Variants in FAM149B1 observed in about 807,000 individuals in gnomAD.
The protein encoded by FAM149B1 is primary cilium assembly protein FAM149B1.
A neutral mutation model predicts 75.3 loss-of-function variants in FAM149B1; 56 were observed. The observed-to-expected ratio is 0.74, with a 90% CI of 0.60 to 0.93. The LOEUF (loss-of-function observed/expected upper bound fraction) is 0.93, where lower values mean the gene tolerates loss of function less well. Among genes scored for constraint, FAM149B1 ranks in the 40% least tolerant of loss-of-function variants. FAM149B1 has a pLI of 0.00. For missense variants in FAM149B1, 639 were observed against 708.4 expected, an observed-to-expected ratio of 0.90 and a Z score of 1.11; for synonymous variants, 259 against 256.1, an observed-to-expected ratio of 1.01 and a Z score of -0.11.
intron 7 of FAM149B1, among the ~76,000 whole-genome samples, chr10:73,210,778 G>A (rs1292380941): frequency 1.3e-5 from 2 of 151,926 alleles, no homozygotes; most frequent in South Asian, 2.1e-4. Flanking sequence ...AGCTATGACT[G>A]CACCACTGCA....
chr10:73,200,517 A>T, intron 5 of FAM149B1: 1 of 671,832 alleles, frequency 1.5e-6, no homozygotes, highest in South Asian at 1.5e-5. Flanking sequence ...TAAACAGAAG[A>T]TACCTTTTTT....
At chr10:73,207,301 T>C (rs140867443) in intron 5 of FAM149B1, among the ~76,000 whole-genome samples, 1,941 of 151,950 alleles carry the variant, frequency 0.013, 14 homozygotes, top group Middle Eastern at 0.024. Flanking sequence ...CAGTGGCTCA[T>C]GCCTGTAATC....
At chr10:73,231,257 T>G (rs1031896070) in intron 9 of FAM149B1, 1 of 151,880 alleles carries the variant, frequency 6.6e-6, no homozygotes, top group African/African-American at 2.4e-5. Context: ...CATTTCCAGG[T>G]TAGAGGTATT....
At chr10:73,206,864 G>C (rs755079442) in intron 5 of FAM149B1, among the ~76,000 whole-genome samples, 1 of 152,106 alleles carries the variant, frequency 6.6e-6, no homozygotes, top group Non-Finnish European at 1.5e-5. Context: ...GCGGTGAGCT[G>C]AGATCACGCC....
chr10:73,215,376 C>CT (rs1273394980), intron 7 of FAM149B1, among the ~76,000 whole-genome samples: 5 of 151,588 alleles, frequency 3.3e-5, no homozygotes, highest in Non-Finnish European at 7.4e-5. Context: ...GATCTTTTTA[C>CT]TTTTTTTTAA....
intron 2 of FAM149B1, among the ~76,000 whole-genome samples, chr10:73,177,322 C>T (rs1261897083): frequency 1.3e-5 from 2 of 151,976 alleles, no homozygotes; most frequent in African/African-American, 2.4e-5. Flanking sequence ...GCCTGTAAAT[C>T]CTAGCACTTT....
chr10:73,204,454 A>G (rs569499625), intron 5 of FAM149B1, among the ~76,000 whole-genome samples: 1 of 152,294 alleles, frequency 6.6e-6, no homozygotes, highest in Admixed American at 6.5e-5. Flanking sequence ...TCCTAATAAA[A>G]AAAAATACTT....
chr10:73,243,242 G>A lies in FAM149B1; in HGVS notation c.*2223G>A. On this transcript the variant is annotated 3_prime_UTR_variant, in exon 14 of 14. Coordinates refer to ENST00000242505, the MANE Select transcript of FAM149B1 (RefSeq NM_173348.2). ...GCTTTCTAGGAAATACTAAGATCAG[G>A]TTGAGAGATTCTGCTTGGTCTAGTC... 1.4e-6 allele frequency: 1 copy of A among 732,018 alleles called. No homozygotes were observed. Among genetic ancestry groups the A allele is most frequent in the South Asian group, 1.8e-5 (1 of 56,808 alleles). 45.3% of individuals were successfully genotyped at this position (732,018 alleles called of 1,614,324 possible).
chr10:73,237,234 G>A (rs1044822044), intron 12 of FAM149B1, among the ~76,000 whole-genome samples: 3 of 152,124 alleles, frequency 2.0e-5, no homozygotes, highest in Admixed American at 6.5e-5. Context: ...TAGACCCCAC[G>A]AGGCTGACTT....
chr10:73,177,748 A>ACACAT, intron 2 of FAM149B1, 98 bp from the exon 3 acceptor site: 2 of 1,045,132 alleles, frequency 1.9e-6, no homozygotes, highest in African/African-American at 1.7e-5. Context: ...TACACATGTT[A>ACACAT]ATCACCTAGT....
At chr10:73,236,723 TTC>T (rs2043831047) in intron 12 of FAM149B1, among the ~76,000 whole-genome samples, 1 of 148,406 alleles carries the variant, frequency 6.7e-6, no homozygotes, top group African/African-American at 2.5e-5. Context: ...TTTTTTTCTT[TTC>T]TTTTTTTTTT....
intron 5 of FAM149B1, among the ~76,000 whole-genome samples, chr10:73,202,247 G>A (rs1199280375): frequency 6.6e-6 from 1 of 151,980 alleles, no homozygotes; most frequent in Non-Finnish European, 1.5e-5. Flanking sequence ...CAGCTTTAGG[G>A]GAAATGGGAA....
At chr10:73,196,929 CTT>C (rs2042816415) in intron 5 of FAM149B1, among the ~76,000 whole-genome samples, 2 of 152,348 alleles carry the variant, frequency 1.3e-5, no homozygotes, top group African/African-American at 4.8e-5. Context: ...GCATCTTCCT[CTT>C]TGTATCTGTA....
At position 73,194,322 on chromosome 10, in the gene FAM149B1, A is replaced by T. The variant is rs571514489; in HGVS notation, c.542+729A>T. 2.0e-5 allele frequency among the ~76,000 whole-genome samples: 3 copies of T among 152,282 alleles called. No homozygotes were observed. In the South Asian group the frequency reaches 6.2e-4, roughly 32 times the overall value. On this transcript the variant is annotated intron_variant, in intron 5 of 13. Coordinates refer to ENST00000242505, the MANE Select transcript of FAM149B1 (RefSeq NM_173348.2). ...AAATGTGTAAATAGAATGGTTTTTT[A>T]AAATGTCGAAGTCTAAGAAAAAGAC...
intron 2 of FAM149B1, among the ~76,000 whole-genome samples, chr10:73,175,747 A>T (rs1292210069): frequency 6.6e-6 from 1 of 152,082 alleles, no homozygotes; most frequent in Non-Finnish European, 1.5e-5. Context: ...AAAACAAACA[A>T]TAAAATAACA....
intron 7 of FAM149B1, among the ~76,000 whole-genome samples, chr10:73,214,702 C>T (rs954945957): frequency 2.0e-5 from 3 of 152,114 alleles, no homozygotes; most frequent in African/African-American, 4.8e-5. Context: ...ATTCAGTTTG[C>T]TAGTATTTTG....
At chr10:73,236,725 C>CTTT (rs112151486) in intron 12 of FAM149B1, among the ~76,000 whole-genome samples, 1 of 135,802 alleles carries the variant, frequency 7.4e-6, no homozygotes, top group Non-Finnish European at 1.6e-5. Flanking sequence ...TTTTTCTTTT[C>CTTT]TTTTTTTTTT....
At position 73,243,802 on chromosome 10, in the gene FAM149B1, A is replaced by C; in HGVS notation, c.*2783A>C. 6.5e-7 allele frequency: 1 copy of C among 1,529,338 alleles called. No homozygotes were observed. 94.7% of individuals were successfully genotyped at this position (1,529,338 alleles called of 1,614,324 possible). On this transcript the variant is annotated 3_prime_UTR_variant, in exon 14 of 14. Transcript: ENST00000242505. ...TCCAAAGAAAATATTAGCAGTAGGA[A>C]TCAGATCATTAAAGATGTGGCAACA...
chr10:73,235,766 GC>G (rs2043806757), intron 12 of FAM149B1, among the ~76,000 whole-genome samples: 1 of 152,158 alleles, frequency 6.6e-6, no homozygotes, highest in African/African-American at 2.4e-5. Flanking sequence ...GAACTCCTGG[GC>G]TCAAGCAATC....
Sources: gnomAD v4.1 joint callset for allele counts (sites outside exome capture counted in the v4.1 genomes callset) on GRCh38, gnomAD v4.1.1 for gene constraint, MANE v1.5 for transcripts, NCBI Gene and HGNC (gene_info 2026-07-23, HGNC 2026-07-21) for gene names.